The following SMIM14 variants were observed in gnomAD, a reference collection of about 807,000 sequenced individuals.
SMIM14 encodes the protein chromosome 4 open reading frame 34.
SMIM14 carries 5 observed loss-of-function variants against 12.6 expected under a neutral mutation model. The ratio of observed to expected loss-of-function variants is 0.40; its 90% CI spans 0.21 to 0.83. SMIM14 has a LOEUF of 0.83. SMIM14 is among the 40% of genes least tolerant of loss of function. The probability of loss-of-function intolerance (pLI) is 0.37; values close to 1 mark genes in which losing one functional copy is unlikely to be tolerated. For missense variants in SMIM14, 86 were observed against 119.1 expected (o/e 0.72, Z 1.29); for synonymous variants, 30 against 40.1 (o/e 0.75, Z 0.95).
At chr4:39,626,543 G>A (rs1011096599) in intron 1 of SMIM14, among the ~76,000 whole-genome samples, 3 of 152,120 alleles carry the variant, frequency 2.0e-5, no homozygotes, top group Non-Finnish European at 4.4e-5. Flanking sequence ...CAAATTCTCA[G>A]GGGACAAAGT....
Position 39,605,714 on chromosome 4 carries a change from A to C in SMIM14, c.-35-534T>G, listed in dbSNP as rs184773231. On this transcript the variant is annotated intron_variant, in intron 1 of 4. Coordinates refer to ENST00000295958, the MANE Select transcript of SMIM14 (RefSeq NM_174921.3). ...AAAACAATTTTTTAAAAATTAGACA[A>C]AATACATGAAACAATTGTTTTTTGC... Among the ~76,000 whole-genome samples, 41 of 152,270 alleles carry C rather than the reference A, an allele frequency of 2.7e-4. No individual in the cohort carries two copies. The East Asian group carries it at 7.0e-3, about 26-fold the overall frequency.
intron 3 of SMIM14, among the ~76,000 whole-genome samples, chr4:39,569,431 T>C (rs1490396302): frequency 2.6e-5 from 4 of 152,216 alleles, no homozygotes; most frequent in Non-Finnish European, 4.4e-5. Flanking sequence ...TTCATATATA[T>C]AATAAACAGG....
At position 39,558,774 on chromosome 4, in the gene SMIM14, T is replaced by G. The variant is rs1486862353; in HGVS notation, c.125-2204A>C. On this transcript the variant is annotated intron_variant, in intron 3 of 4. Coordinates refer to ENST00000295958, the MANE Select transcript of SMIM14 (RefSeq NM_174921.3). This position sits in a 1 kb window ranked among gnomAD's most constrained non-coding sequence, Gnocchi z 4.3. ...TCGTCCAAGCTGGAATACAATGGCA[T>G]GTCAGCTCACTGCAACCTCCACCTC... Among the ~76,000 whole-genome samples the G allele has an allele frequency of 2.0e-5, 3 of 152,192 alleles. No homozygotes were observed. Among genetic ancestry groups the G allele is most frequent in the Non-Finnish European group, 2.9e-5 (2 of 68,034 alleles).
At chr4:39,600,053 A>G (rs1288377404) in intron 2 of SMIM14, among the ~76,000 whole-genome samples, 1 of 152,216 alleles carries the variant, frequency 6.6e-6, no homozygotes, top group Non-Finnish European at 1.5e-5. Flanking sequence ...CAAATTTAAA[A>G]TGCCTATTAG....
At chr4:39,574,883 T>G (rs1376517238) in intron 2 of SMIM14, among the ~76,000 whole-genome samples, 2 of 151,972 alleles carry the variant, frequency 1.3e-5, no homozygotes, top group South Asian at 4.2e-4. Flanking sequence ...CCTGTAATTC[T>G]AGCACTTTGG....
chr4:39,614,657 A>G (rs1429213197), intron 1 of SMIM14, among the ~76,000 whole-genome samples: 6 of 152,134 alleles, frequency 3.9e-5, no homozygotes, highest in African/African-American at 1.4e-4. Flanking sequence ...TTATATTTCC[A>G]TAATAGTCAT....
chr4:39,572,393 C>G (rs767855530), intron 3 of SMIM14, 22 bp downstream of exon 3: 1 of 1,536,972 alleles, frequency 6.5e-7, no homozygotes. Context: ...GCCATCCTTC[C>G]TCCTGTCTCA....
At chr4:39,612,203 C>G (rs566973463) in intron 1 of SMIM14, 8 of 151,974 alleles carry the variant, frequency 5.3e-5, no homozygotes, top group African/African-American at 1.7e-4. Context: ...TATAACCTAC[C>G]CTTATATGTA....
chr4:39,631,455 G>T (rs953704877), intron 1 of SMIM14, among the ~76,000 whole-genome samples: 1 of 151,402 alleles, frequency 6.6e-6, no homozygotes, highest in African/African-American at 2.4e-5. Context: ...TCAGGAGATC[G>T]AGACCATCCT....
chr4:39,570,665 A>AT (rs1044151994), intron 3 of SMIM14, among the ~76,000 whole-genome samples: 4 of 150,734 alleles, frequency 2.7e-5, no homozygotes, highest in East Asian at 2.0e-4. Context: ...TTAATTAATA[A>AT]TTTTTTTTTG....
At chr4:39,579,989 A>G (rs542881399) in intron 2 of SMIM14, among the ~76,000 whole-genome samples, 1 of 152,296 alleles carries the variant, frequency 6.6e-6, no homozygotes, top group Admixed American at 6.5e-5. Flanking sequence ...AAAAAATTAC[A>G]AAGAACAAAA....
At chr4:39,623,835 T>C (rs1038569751) in intron 1 of SMIM14, among the ~76,000 whole-genome samples, 9 of 152,090 alleles carry the variant, frequency 5.9e-5, no homozygotes, top group African/African-American at 2.2e-4. Context: ...GCACTCCAGC[T>C]TGGGTGACAG....
chr4:39,565,202 A>G (rs1259567108), intron 3 of SMIM14, among the ~76,000 whole-genome samples: 1 of 152,252 alleles, frequency 6.6e-6, no homozygotes, highest in African/African-American at 2.4e-5. Flanking sequence ...TGGGCAACAG[A>G]GTAAGACTTT....
At position 39,575,079 on chromosome 4, in the gene SMIM14, GTT is replaced by G. The variant is rs372419357; in HGVS notation, c.76-2618_76-2617del. Among the ~76,000 whole-genome samples, 368 of 125,406 alleles carry G rather than the reference GTT, an allele frequency of 2.9e-3. 1 individual carries two copies. Among genetic ancestry groups the G allele is most frequent in the African/African-American group, 0.01 (347 of 34,444 alleles). 82.3% of individuals were successfully genotyped at this position (125,406 alleles called of 152,430 possible). ...TTGTTTTAATAAGAACGAGAAAATA[GTT>G]TTTTTTTTTTTTTTTTTTGAGACAG... On this transcript the variant is annotated intron_variant, in intron 2 of 4. Coordinates refer to ENST00000295958, the MANE Select transcript of SMIM14 (RefSeq NM_174921.3).
At chr4:39,576,684 A>ATATATATAT (rs1560289781) in intron 2 of SMIM14, among the ~76,000 whole-genome samples, 1 of 25,552 alleles carries the variant, frequency 3.9e-5, no homozygotes, top group African/African-American at 1.5e-4. Flanking sequence ...ATATATATAT[A>ATATATATAT]TTTTTTTTTT....
intron 2 of SMIM14, among the ~76,000 whole-genome samples, chr4:39,578,181 T>A (rs1353835226): frequency 6.6e-6 from 1 of 152,192 alleles, no homozygotes. Context: ...CAAGGTCTTC[T>A]CTGGTGCCCA....
At chr4:39,585,712 A>G (rs993904111) in intron 2 of SMIM14, among the ~76,000 whole-genome samples, 6 of 149,772 alleles carry the variant, frequency 4.0e-5, no homozygotes, top group South Asian at 2.1e-4. Context: ...ACGAAGTGGG[A>G]AAAAAAAAAG....
At chr4:39,636,345 TTCATATTATCC>T (rs1387904463) in intron 1 of SMIM14, among the ~76,000 whole-genome samples, 2 of 152,092 alleles carry the variant, frequency 1.3e-5, no homozygotes, top group African/African-American at 4.8e-5. Context: ...TACTTAAACT[TTCATATTATCC>T]TCAGGCTGTG....
rs1404613762 is a variant in SMIM14, at chr4:39,638,841, G to A, written c.-138C>T. ...CCAGAAGGCTGCGGCTGCTCCGGAC[G>A]CTGCTGCCACTGCCGTTTCTGGCCG... On this transcript the variant is annotated 5_prime_UTR_variant, in exon 1 of 5. Coordinates refer to ENST00000295958, the MANE Select transcript of SMIM14 (RefSeq NM_174921.3). 4.1e-6 allele frequency: 4 copies of A among 985,752 alleles called. No individual in the cohort carries two copies. The highest frequency in any genetic ancestry group is 4.8e-6 in the Non-Finnish European group (4 of 830,304). 61.1% of individuals were successfully genotyped at this position (985,752 alleles called of 1,614,324 possible).
Sources: gnomAD v4.1 joint callset for allele counts (sites outside exome capture counted in the v4.1 genomes callset) on GRCh38, gnomAD v4.1.1 for gene constraint, Gnocchi (gnomAD v3.1) non-coding constraint, MANE v1.5 for transcripts, NCBI Gene and HGNC (gene_info 2026-07-23, HGNC 2026-07-21) for gene names.